Variants in HFM1 observed in about 807,000 individuals in gnomAD.
The protein encoded by HFM1 is helicase for meiosis 1, also known as probable ATP-dependent DNA helicase HFM1.
In HFM1, 169 loss-of-function variants were observed where a neutral mutation model predicts 192.1. The observed-to-expected ratio is 0.88, with a 90% CI of 0.78 to 1.00. The LOEUF (loss-of-function observed/expected upper bound fraction) is 1.00, where lower values mean the gene tolerates loss of function less well. HFM1 is among the 50% of genes least tolerant of loss of function. HFM1 has a pLI of 0.00. For synonymous variants in HFM1, 525 were observed against 537.8 expected (o/e 0.98, Z 0.33); for missense variants, 1,661 against 1,668.0 (o/e 1.00, Z 0.07).
chr1:91,385,893 A>T, intron 4 of HFM1, 59 bp from the exon 5 acceptor site: 1 of 1,417,922 alleles, frequency 7.1e-7, no homozygotes, highest in Non-Finnish European at 9.6e-7. Flanking sequence ...TTGGAATATG[A>T]AAAACTAGCA....
At chr1:91,351,496 T>A in intron 17 of HFM1, 53 bp downstream of exon 17, 2 of 915,006 alleles carry the variant, frequency 2.2e-6, no homozygotes, top group Non-Finnish European at 3.4e-6. Context: ...TAAAAGGAAA[T>A]AAAATAAGCT....
At position 91,380,197 on chromosome 1, in the gene HFM1, T is replaced by C. The variant is rs150267573; in HGVS notation, c.913A>G (p.Thr305Ala). Reference protein sequence around the residue: ...TDRNFVICAPTGSGKTVVFEL... With the variant: ...TDRNFVICAPAGSGKTVVFEL... ...AACACTACAGTTTTTCCAGAACCAG[T>C]TGGAGCACAAATCACAAAATTCCTA... The change falls in exon 8 of 39, where the codon ACT becomes GCT. Residue 305 changes from threonine to alanine, a missense_variant. Thr to Ala is a moderately conservative substitution (Grantham distance 58). Coordinates refer to ENST00000370425, the MANE Select transcript of HFM1 (RefSeq NM_001017975.6). The C allele has an allele frequency of 4.7e-5, 75 of 1,580,998 alleles. No homozygotes were observed. The highest frequency in any genetic ancestry group is 5.7e-5 in the Non-Finnish European group (66 of 1,158,852).
chr1:91,262,616 G>A, intron 36 of HFM1, 24 bp from the exon 37 acceptor site: 1 of 1,348,748 alleles, frequency 7.4e-7, no homozygotes, highest in Non-Finnish European at 1.0e-6. Flanking sequence ...TTAATTATTT[G>A]TAAAATACGG....
intron 23 of HFM1, 37 bp from the exon 24 acceptor site, chr1:91,319,427 G>A (rs374805306): frequency 7.8e-7 from 1 of 1,286,034 alleles, no homozygotes; most frequent in South Asian, 1.2e-5. Flanking sequence ...TCCCTTTTAA[G>A]GGTTATCTAT....
At chr1:91,265,294 A>AT (rs1482761137) in intron 36 of HFM1, among the ~76,000 whole-genome samples, 1 of 152,156 alleles carries the variant, frequency 6.6e-6, no homozygotes, top group Non-Finnish European at 1.5e-5. Context: ...AGTATATCAC[A>AT]TTTTTTTGAA....
At chr1:91,326,657 G>A (rs2119251) in intron 20 of HFM1, among the ~76,000 whole-genome samples, 29,991 of 152,104 alleles carry the variant, frequency 0.2, 3,391 homozygotes, top group Non-Finnish European at 0.26. Flanking sequence ...TAATAAGCAA[G>A]AAGAAAATCA....
At chr1:91,287,777 A>T (rs908788941) in intron 30 of HFM1, among the ~76,000 whole-genome samples, 130 of 151,720 alleles carry the variant, frequency 8.6e-4, no homozygotes, top group African/African-American at 2.8e-3. Context: ...AAAATTTAGA[A>T]GAATGTATAA....
intron 20 of HFM1, chr1:91,328,712 C>G: frequency 6.2e-7 from 1 of 1,605,362 alleles, no homozygotes; most frequent in Middle Eastern, 1.7e-4. Context: ...AGAGAAGCAG[C>G]TACAGCAGGC....
chr1:91,370,428 G>A (rs531137630), intron 13 of HFM1, among the ~76,000 whole-genome samples: 54 of 152,324 alleles, frequency 3.5e-4, no homozygotes, highest in Non-Finnish European at 3.8e-4. Flanking sequence ...ATGCAAGCCT[G>A]GTTCAACACA....
rs771732779 is a variant in HFM1, at chr1:91,353,922, T to TAA, written c.1686-624_1686-623insTT. On this transcript the variant is annotated intron_variant, in intron 13 of 38. Coordinates refer to ENST00000370425, the MANE Select transcript of HFM1 (RefSeq NM_001017975.6). ...CATCAATAGAGGGACACAGGAAACA[T>TAA]GAAAAAAAAAAAAAACCAACCAAAA... Among the ~76,000 whole-genome samples, 180 of 133,222 alleles carry TAA rather than the reference T, an allele frequency of 1.4e-3. 3 individuals carry two copies. Among genetic ancestry groups the TAA allele is most frequent in the Middle Eastern group, 3.9e-3 (1 of 254 alleles). 87.4% of individuals were successfully genotyped at this position (133,222 alleles called of 152,430 possible).
chr1:91,364,179 T>A (rs188209986), intron 13 of HFM1, among the ~76,000 whole-genome samples: 7 of 151,536 alleles, frequency 4.6e-5, no homozygotes, highest in Admixed American at 1.3e-4. Context: ...ACCCTTAAAC[T>A]TAAAAGTGGA....
At chr1:91,303,035 C>T (rs1649072481) in intron 30 of HFM1, among the ~76,000 whole-genome samples, 1 of 152,078 alleles carries the variant, frequency 6.6e-6, no homozygotes, top group Non-Finnish European at 1.5e-5. Context: ...TCATACCATA[C>T]CATTCACATT....
intron 20 of HFM1, among the ~76,000 whole-genome samples, chr1:91,336,290 T>TA (rs1328400694): frequency 2.7e-5 from 4 of 147,412 alleles, no homozygotes; most frequent in African/African-American, 9.9e-5. Context: ...ATAAGTTGTC[T>TA]AAAAACATCC....
At chr1:91,380,282 A>G (rs200742051) in intron 7 of HFM1, 46 bp from the exon 8 acceptor site, 2 of 1,166,144 alleles carry the variant, frequency 1.7e-6, no homozygotes, top group African/African-American at 3.2e-5. Flanking sequence ...AGACTTTTTC[A>G]CACACATTCT....
chr1:91,316,208 T>A (rs766442492), intron 26 of HFM1, 24 bp from the exon 27 acceptor site: 2 of 1,347,932 alleles, frequency 1.5e-6, no homozygotes, highest in East Asian at 2.3e-5. Context: ...CATCATTATA[T>A]TCTTACCACA....
At chr1:91,279,037 A>G (rs1221247426) in intron 30 of HFM1, among the ~76,000 whole-genome samples, 1 of 152,140 alleles carries the variant, frequency 6.6e-6, no homozygotes, top group African/African-American at 2.4e-5. Context: ...GTACCAAAAT[A>G]TCCAACATCT....
At position 91,374,714 on chromosome 1, in the gene HFM1, T is replaced by C. The variant is rs565335395; in HGVS notation, c.1685+644A>G. Among the ~76,000 whole-genome samples the C allele has an allele frequency of 6.6e-5, 10 of 152,252 alleles. No homozygotes were observed. In the South Asian group the frequency reaches 1.7e-3, roughly 25 times the overall value. ...TGGTACATAGTGAGTTTGAGATAAC[T>C]GTTGGTAGACATACAACTGGATTCA... On this transcript the variant is annotated intron_variant, in intron 13 of 38. Coordinates refer to ENST00000370425, the MANE Select transcript of HFM1 (RefSeq NM_001017975.6).
At chr1:91,341,278 G>T (rs1258982909) in intron 20 of HFM1, among the ~76,000 whole-genome samples, 1 of 151,976 alleles carries the variant, frequency 6.6e-6, no homozygotes, top group African/African-American at 2.4e-5. Context: ...TCAATACTAA[G>T]ATCTTTCAAA....
At position 91,380,181 on chromosome 1, in the gene HFM1, G is replaced by A. The variant is rs1661389005; in HGVS notation, c.929C>T (p.Thr310Ile). 3 of 1,569,796 alleles carry A rather than the reference G, an allele frequency of 1.9e-6. No homozygotes were observed. The East Asian group carries it at 6.9e-5, about 36-fold the overall frequency. Residue 310 changes from threonine (T) to isoleucine (I), a missense_variant, in exon 8 of 39, where the codon ACT becomes ATT. Thr to Ile is a moderately conservative substitution (Grantham distance 89, BLOSUM62 -1). Transcript: ENST00000370425. Reference sequence around the variant, plus strand: ...TGTTATAGCTAGTTCAAACACTACAGTTTTTCCAGAACCAGTTGGAGCACA... The same window carrying A: ...TGTTATAGCTAGTTCAAACACTACAATTTTTCCAGAACCAGTTGGAGCACA... ...VICAPTGSGK[T>I]VVFELAITRL...
Sources: gnomAD v4.1 joint callset for allele counts (sites outside exome capture counted in the v4.1 genomes callset) on GRCh38, gnomAD v4.1.1 for gene constraint, MANE v1.5 for transcripts, NCBI Gene and HGNC (gene_info 2026-07-23, HGNC 2026-07-21) for gene names.